The following NCKAP5 variants were observed in gnomAD, a reference collection of about 807,000 sequenced individuals.
NCKAP5 encodes nck-associated protein 5.
A neutral mutation model predicts 167.0 loss-of-function variants in NCKAP5; 92 were observed. That is an observed-to-expected ratio of 0.55 (90% CI 0.47 to 0.66). The LOEUF (loss-of-function observed/expected upper bound fraction) is 0.66, where lower values mean the gene tolerates loss of function less well. Ranked by LOEUF, NCKAP5 falls within the 30% of genes least tolerant of loss-of-function variation. NCKAP5 has a pLI of 0.00. For missense variants in NCKAP5, 2,378 were observed against 2,315.0 expected (o/e 1.03, Z -0.56); for synonymous variants, 891 against 877.4 (o/e 1.02, Z -0.27).
intron 5 of NCKAP5, among the ~76,000 whole-genome samples, chr2:133,192,552 A>G (rs2085272834): frequency 6.6e-6 from 1 of 152,098 alleles, no homozygotes; most frequent in Non-Finnish European, 1.5e-5. Context: ...TCAAAGCTCG[A>G]AAGAAAAAAA....
At chr2:133,666,398 A>G in the NCKAP5 span, among the ~76,000 whole-genome samples, 5,070 of 151,746 alleles carry the variant, frequency 0.033, 252 homozygotes, top group East Asian at 0.2. Context: ...GGGTTTCAAC[A>G]TGTTGGCCAG....
chr2:132,859,655 G>A (rs893985778), intron 11 of NCKAP5, among the ~76,000 whole-genome samples: 2 of 152,208 alleles, frequency 1.3e-5, no homozygotes, highest in East Asian at 1.9e-4. Context: ...ATTAGACCAC[G>A]CAGTGGTGGG....
At chr2:133,397,233 T>C (rs1687786284) in intron 3 of NCKAP5, among the ~76,000 whole-genome samples, 1 of 152,244 alleles carries the variant, frequency 6.6e-6, no homozygotes, top group Non-Finnish European at 1.5e-5. Flanking sequence ...TGTTCATTCA[T>C]TTATGGCTGT....
chr2:133,434,395 T>C (rs1329247493), intron 3 of NCKAP5, among the ~76,000 whole-genome samples: 1 of 152,216 alleles, frequency 6.6e-6, no homozygotes, highest in Non-Finnish European at 1.5e-5. Flanking sequence ...AGATCGTACT[T>C]GAGTCAGGGA....
chr2:133,232,155 C>A (rs1331951812), intron 4 of NCKAP5, among the ~76,000 whole-genome samples: 1 of 152,112 alleles, frequency 6.6e-6, no homozygotes, highest in Non-Finnish European at 1.5e-5. Flanking sequence ...CATCTATACA[C>A]AAGAAAGGCA....
At chr2:132,715,044 T>C (rs913803402) in intron 19 of NCKAP5, among the ~76,000 whole-genome samples, 3 of 152,312 alleles carry the variant, frequency 2.0e-5, no homozygotes, top group Non-Finnish European at 4.4e-5. Context: ...AGTGTATATC[T>C]CTAGGTTTCT....
At chr2:133,026,064 T>C (rs768129185) in intron 6 of NCKAP5, among the ~76,000 whole-genome samples, 1 of 152,202 alleles carries the variant, frequency 6.6e-6, no homozygotes, top group African/African-American at 2.4e-5. Context: ...TGGTATCTCA[T>C]TGTGATTTTG....
At chr2:133,281,643 G>A (rs555358581) in intron 4 of NCKAP5, among the ~76,000 whole-genome samples, 17 of 152,234 alleles carry the variant, frequency 1.1e-4, no homozygotes, top group Non-Finnish European at 2.5e-4. Context: ...CTATATTCTA[G>A]GAACTTAAAG....
intron 3 of NCKAP5, among the ~76,000 whole-genome samples, chr2:133,437,707 A>G (rs187069616): frequency 1.0e-3 from 158 of 152,242 alleles, no homozygotes; most frequent in African/African-American, 3.7e-3. Context: ...CTGATGTCAG[A>G]CTTCTTGCAT....
chr2:133,345,802 T>C (rs13432602), intron 3 of NCKAP5, among the ~76,000 whole-genome samples: 29,637 of 151,862 alleles, frequency 0.2, 2,932 homozygotes, highest in Middle Eastern at 0.21. Flanking sequence ...AAAAGATCAC[T>C]GGGGATAAAG....
chr2:133,384,333 T>C (rs975989808), intron 3 of NCKAP5, among the ~76,000 whole-genome samples: 6 of 152,234 alleles, frequency 3.9e-5, no homozygotes, highest in African/African-American at 1.4e-4. Flanking sequence ...CCATTTCTTG[T>C]TTTTGTCAGG....
intron 3 of NCKAP5, among the ~76,000 whole-genome samples, chr2:133,410,123 G>A (rs1435563): frequency 1.3e-5 from 2 of 152,102 alleles, no homozygotes; most frequent in African/African-American, 2.4e-5. Flanking sequence ...TTTTAATCAC[G>A]ATTTGCCTCT....
At chr2:132,685,588 GA>G (rs1194728044) in intron 19 of NCKAP5, among the ~76,000 whole-genome samples, 3 of 152,118 alleles carry the variant, frequency 2.0e-5, no homozygotes, top group African/African-American at 7.2e-5. Context: ...CAACAACCTA[GA>G]AAAAACATGG....
intron 6 of NCKAP5, chr2:133,117,225 A>G (rs2082111748): frequency 6.6e-6 from 1 of 152,238 alleles, no homozygotes. Context: ...ACTGGTACCT[A>G]AAATAGTGCT....
intron 12 of NCKAP5, among the ~76,000 whole-genome samples, chr2:132,796,177 T>A (rs1684589224): frequency 6.6e-6 from 1 of 152,194 alleles, no homozygotes; most frequent in Admixed American, 6.5e-5. Context: ...TCTTTTTATG[T>A]CAACGAGAGT....
intron 3 of NCKAP5, among the ~76,000 whole-genome samples, chr2:133,319,421 C>T (rs1681869803): frequency 6.6e-6 from 1 of 151,916 alleles, no homozygotes; most frequent in Admixed American, 6.6e-5. Context: ...AGAGAAGTAC[C>T]CATGATAAAT....
intron 3 of NCKAP5, among the ~76,000 whole-genome samples, chr2:133,312,056 G>C (rs1325240985): frequency 6.6e-6 from 1 of 152,154 alleles, no homozygotes; most frequent in African/African-American, 2.4e-5. Flanking sequence ...TTTCAACACA[G>C]TAAAATTCAC....
At chr2:133,562,325 A>G (rs1688218787) in intron 1 of NCKAP5, among the ~76,000 whole-genome samples, 1 of 152,208 alleles carries the variant, frequency 6.6e-6, no homozygotes, top group African/African-American at 2.4e-5. Flanking sequence ...ACATAGATAT[A>G]TAAACAATTT....
At chr2:132,893,369 G>T (rs1047455446) in intron 8 of NCKAP5, among the ~76,000 whole-genome samples, 1 of 152,196 alleles carries the variant, frequency 6.6e-6, no homozygotes, top group Non-Finnish European at 1.5e-5. Context: ...GTTCACAGCA[G>T]TCTTGTTTTC....
Sources: allele counts gnomAD v4.1 joint callset (sites outside exome capture counted in the v4.1 genomes callset), GRCh38; gene constraint gnomAD v4.1.1; transcripts MANE v1.5; gene names NCBI Gene and HGNC (gene_info 2026-07-23, HGNC 2026-07-21).